The following GZF1 variants were observed in gnomAD, a reference collection of about 807,000 sequenced individuals.
GZF1 encodes GDNF-inducible zinc finger protein 1.
In GZF1, 28 loss-of-function variants were observed where a neutral mutation model predicts 49.4. That is an observed-to-expected ratio of 0.57 (90% confidence interval 0.42 to 0.78). The LOEUF is 0.78. Ranked by LOEUF, GZF1 falls within the 30% of genes least tolerant of loss-of-function variation. The pLI is 0.00. For synonymous variants in GZF1, 364 were observed against 356.0 expected (o/e 1.02, Z -0.25); for missense variants, 798 against 916.2 (o/e 0.87, Z 1.67).
Position 23,363,777 on chromosome 20 carries a change from A to T in GZF1, c.-21-586A>T, listed in dbSNP as rs1190708689. Among the ~76,000 whole-genome samples the T allele has an allele frequency of 2.0e-5, 3 of 152,332 alleles. No individual in the cohort carries two copies. In the Middle Eastern group the frequency reaches 0.01, roughly 518 times the overall value. ...GCTTGTAAAAGCTGTGGAACTTAAC[A>T]TTATTTCAGTAGAGTAACAATAATT... is the stretch of plus-strand genomic sequence containing the variant. On this transcript the variant is annotated intron_variant, in intron 1 of 5. Coordinates refer to ENST00000338121, the MANE Select transcript of GZF1 (RefSeq NM_022482.5).
At chr20:23,362,036 C>G (rs551658132), upstream of GZF1, 1 of 152,376 alleles carries the variant, frequency 6.6e-6, no homozygotes, top group Non-Finnish European at 1.5e-5. Context: ...CAGGTAACTG[C>G]CCGAACCGCT....
In GZF1 at chr20:23,368,855, C is replaced by T; in HGVS notation, c.1553C>T (p.Pro518Leu). The stretch of plus-strand genomic sequence containing the variant: ...AATAGAATCCATACTGGATCCAAAC[C>T]CTTTAAATGTGAAGTATGTTTCAGG... Reference protein sequence around the residue: ...HHNRIHTGSKPFKCEVCFRTF... With the variant: ...HHNRIHTGSKLFKCEVCFRTF... The change falls in exon 4 of 6, where the codon CCC becomes CTC. Residue 518 changes from proline (P) to leucine (L), a missense_variant. Transcript: ENST00000338121. 6.2e-7 allele frequency: 1 copy of T among 1,613,824 alleles called. No individual in the cohort carries two copies. The highest frequency in any genetic ancestry group is 8.5e-7 in the Non-Finnish European group (1 of 1,179,862).
At chr20:23,367,943 C>G (rs903381125) in intron 3 of GZF1, among the ~76,000 whole-genome samples, 5 of 152,184 alleles carry the variant, frequency 3.3e-5, no homozygotes, top group Non-Finnish European at 5.9e-5. Context: ...GCATGTGAGA[C>G]AGAGATGACA....
rs1448337496 is a variant in GZF1, at chr20:23,371,714, ATTAAT to A, written c.*1278_*1282del. On this transcript the variant is annotated 3_prime_UTR_variant, in exon 6 of 6. Coordinates refer to ENST00000338121, the MANE Select transcript of GZF1 (RefSeq NM_022482.5). ...TATGATTCACATGTAACATTTAAAC[ATTAAT>A]TTAAAAAGGGAACCTTGGAGAATTC... is the stretch of plus-strand genomic sequence containing the variant. The A allele has an allele frequency of 4.6e-5, 7 of 152,546 alleles. No individual in the cohort carries two copies. Among genetic ancestry groups the A allele is most frequent in the South Asian group, 4.1e-4 (2 of 4,822 alleles). The allele number at this position is 152,546 out of a possible 1,614,324, so 9.4% of individuals were successfully genotyped here.
At position 23,365,584 on chromosome 20, in the gene GZF1, G is replaced by T; in HGVS notation, c.1201G>T (p.Glu401Ter). Residue 401 changes from glutamate to a stop codon, truncating the protein, a stop_gained, in exon 2 of 6, where the codon GAG becomes TAG. Transcript: ENST00000338121. LOFTEE classifies it high-confidence loss of function. ...GAAGCGGCACGTGCTGCAGGTGCAT[G>T]AGGGCGGCGGCGAGCGGCACCGCTG... is the stretch of plus-strand genomic sequence containing the variant. ...DVKRHVLQVHEGGGERHRCGQ... is the reference protein window; with the variant it reads ...DVKRHVLQVH 6.2e-7 allele frequency: 1 copy of T among 1,610,316 alleles called. No homozygotes were observed. The highest frequency in any genetic ancestry group is 8.5e-7 in the Non-Finnish European group (1 of 1,179,566).
chr20:23,367,128 C>G (rs1160847582), intron 3 of GZF1, 31 bp downstream of exon 3: 2 of 1,417,644 alleles, frequency 1.4e-6, no homozygotes, highest in Non-Finnish European at 2.0e-6. Flanking sequence ...GATTGAATGT[C>G]TTTCCTAGAT....
Position 23,362,223 on chromosome 20 carries a change from G to A in GZF1, c.-36G>A, listed in dbSNP as rs1231080425. ...TCCAGCGGACAGCGGCTGCAGCGGGGGCGCCGGCTGGGAGGTGAGTGCGCG... is the reference window on the plus strand; with the variant it reads ...TCCAGCGGACAGCGGCTGCAGCGGGAGCGCCGGCTGGGAGGTGAGTGCGCG... On this transcript the variant is annotated 5_prime_UTR_variant, in exon 1 of 6. Coordinates refer to ENST00000338121, the MANE Select transcript of GZF1 (RefSeq NM_022482.5). 6.6e-6 allele frequency: 1 copy of A among 152,084 alleles called. No individual in the cohort carries two copies. The highest frequency in any genetic ancestry group is 1.5e-5 in the Non-Finnish European group (1 of 68,078). The allele number at this position is 152,084 out of a possible 1,614,324, so 9.4% of individuals were successfully genotyped here. A position where few individuals can be genotyped will look rare whatever the true frequency, so the allele number is the denominator to read the frequency against.
Position 23,369,230 on chromosome 20 carries a change from T to C in GZF1, c.1627+301T>C, listed in dbSNP as rs1156744141. Among the ~76,000 whole-genome samples the C allele has an allele frequency of 2.0e-5, 3 of 152,180 alleles. No homozygotes were observed. The East Asian group carries it at 5.8e-4, about 29-fold the overall frequency. On this transcript the variant is annotated intron_variant, in intron 4 of 5. Coordinates refer to ENST00000338121, the MANE Select transcript of GZF1 (RefSeq NM_022482.5). ...GGAAGTGGATGTGGATGTGTGGACA[T>C]AGGGATAATGATCTGTACATGTTAG...
Position 23,365,117 on chromosome 20 carries a change from G to T in GZF1, c.734G>T (p.Arg245Leu). 6.2e-7 allele frequency: 1 copy of T among 1,614,002 alleles called. No homozygotes were observed. Among genetic ancestry groups the T allele is most frequent in the Non-Finnish European group, 8.5e-7 (1 of 1,180,036 alleles). The change falls in exon 2 of 6, where the codon CGA becomes CTA. Residue 245 changes from arginine (R) to leucine (L), a missense_variant. Transcript: ENST00000338121. ...IPKKKYTRRLREQQKTAEGDV... is the reference protein window; with the variant it reads ...IPKKKYTRRLLEQQKTAEGDV... ...AAAAAGAAATATACGAGAAGACTCC[G>T]AGAGCAGCAGAAAACTGCTGAGGGT...
At chr20:23,368,327 CAAGTT>C (rs1354154415) in intron 3 of GZF1, among the ~76,000 whole-genome samples, 1 of 152,180 alleles carries the variant, frequency 6.6e-6, no homozygotes, top group Admixed American at 6.5e-5. Context: ...ACAATTCAAT[CAAGTT>C]GATTGGAGTT....
At chr20:23,365,774 C>A (rs760124830) in intron 2 of GZF1, 27 bp downstream of exon 2, 1 of 1,487,698 alleles carries the variant, frequency 6.7e-7, no homozygotes, top group Admixed American at 2.3e-5. Context: ...CCGGAGGGGT[C>A]CCTGCGCACT....
chr20:23,364,431 C>T lies in GZF1; in HGVS notation c.48C>T (p.Asn16=), dbSNP rs778103641. 1.2e-6 allele frequency: 2 copies of T among 1,611,630 alleles called. No homozygotes were observed. The highest frequency in any genetic ancestry group is 2.2e-5 in the South Asian group (2 of 90,762). The change falls in exon 2 of 6, where the codon AAC becomes AAT. Residue 16 remains asparagine, a synonymous_variant. Coordinates refer to ENST00000338121, the MANE Select transcript of GZF1 (RefSeq NM_022482.5). ...TGGAATCCAAATCCTCCCCATTTAA[C>T]CTACTGCATGAGATGCATGAGCTTC... ...VLLESKSSPF[N]LLHEMHELRL...
chr20:23,366,497 T>C (rs1020994853), intron 2 of GZF1, among the ~76,000 whole-genome samples: 1 of 152,222 alleles, frequency 6.6e-6, no homozygotes, highest in African/African-American at 2.4e-5. Flanking sequence ...AGTTGTGACA[T>C]TAAAATGCTT....
At chr20:23,361,844 G>C (rs1222236688), upstream of GZF1, among the ~76,000 whole-genome samples, 1 of 152,222 alleles carries the variant, frequency 6.6e-6, no homozygotes, top group Admixed American at 6.5e-5. Flanking sequence ...CGGAATGGAC[G>C]CGAAAGTGAC....
In GZF1 at chr20:23,365,616, G is replaced by A. The variant is rs751890048; in HGVS notation, c.1233G>A (p.Gln411=). 1.2e-6 allele frequency: 2 copies of A among 1,606,012 alleles called. No individual in the cohort carries two copies. The highest frequency in any genetic ancestry group is 1.3e-5 in the African/African-American group (1 of 74,922). The change falls in exon 2 of 6, where the codon CAG becomes CAA. Residue 411 remains glutamine (Q), a synonymous_variant. Transcript: ENST00000338121. ...GCGGCGAGCGGCACCGCTGCGGCCA[G>A]TGCGGCAAGGGCCTGAGTTCCAAGA... ...EGGGERHRCG[Q]CGKGLSSKTA... is the part of the protein sequence containing the mutation.
Position 23,372,545 on chromosome 20 carries a change from A to G in GZF1, c.*2104A>G, listed in dbSNP as rs919539135. 3 of 152,200 alleles carry G rather than the reference A, an allele frequency of 2.0e-5. No homozygotes were observed. The highest frequency in any genetic ancestry group is 7.2e-5 in the African/African-American group (3 of 41,450). The allele number at this position is 152,200 out of a possible 1,614,324, so 9.4% of individuals were successfully genotyped here. A position where few individuals can be genotyped will look rare whatever the true frequency, so the allele number is the denominator to read the frequency against. On this transcript the variant is annotated 3_prime_UTR_variant, in exon 6 of 6. Transcript: ENST00000338121. Reference sequence around the variant, plus strand: ...CTCTGCCACTTTCTTCAATGTAAAAAGTAGGCATCAAAGATACGACTTCTA... The same window carrying G: ...CTCTGCCACTTTCTTCAATGTAAAAGGTAGGCATCAAAGATACGACTTCTA...
chr20:23,367,608 GCA>G (rs975819682), intron 3 of GZF1, among the ~76,000 whole-genome samples: 2 of 152,144 alleles, frequency 1.3e-5, no homozygotes, highest in Non-Finnish European at 2.9e-5. Context: ...ACTTTAAAAT[GCA>G]CAATTAAGCA....
chr20:23,366,889 C>T, intron 2 of GZF1, 114 bp from the exon 3 acceptor site: 1 of 730,706 alleles, frequency 1.4e-6, no homozygotes, highest in African/African-American at 1.7e-5. Flanking sequence ...TCACTACAGT[C>T]ATTCTCATTA....
Position 23,364,422 on chromosome 20 carries a change from C to A in GZF1, c.39C>A (p.Ser13=). 2 of 1,604,192 alleles carry A rather than the reference C, an allele frequency of 1.2e-6. No homozygotes were observed. Among genetic ancestry groups the A allele is most frequent in the Non-Finnish European group, 1.7e-6 (2 of 1,174,320 alleles). ...CAGTTCTGCTGGAATCCAAATCCTC[C>A]CCATTTAACCTACTGCATGAGATGC... ...SGAVLLESKS[S]PFNLLHEMHE... is the part of the protein sequence containing the mutation. Residue 13 remains serine, a synonymous_variant, in exon 2 of 6, where the codon TCC becomes TCA. Transcript: ENST00000338121.
Sources: allele counts gnomAD v4.1 joint callset (sites outside exome capture counted in the v4.1 genomes callset), GRCh38; gene constraint gnomAD v4.1.1; transcripts MANE v1.5; gene names NCBI Gene and HGNC (gene_info 2026-07-23, HGNC 2026-07-21).